The following GDAP1 variants were observed in gnomAD, a reference collection of about 807,000 sequenced individuals.
GDAP1 encodes the protein ganglioside induced differentiation associated protein 1.
In GDAP1, 34 loss-of-function variants were observed where a neutral mutation model predicts 40.1. The observed-to-expected ratio is 0.85, with a 90% CI of 0.64 to 1.13. The LOEUF (loss-of-function observed/expected upper bound fraction) is 1.13, where lower values mean the gene tolerates loss of function less well. GDAP1 is among the 50% of genes most tolerant of loss of function. The probability of loss-of-function intolerance (pLI) is 0.00; values close to 1 mark genes in which losing one functional copy is unlikely to be tolerated. For missense variants in GDAP1, 374 were observed against 433.7 expected (o/e 0.86, Z 1.22); for synonymous variants, 170 against 157.4 (o/e 1.08, Z -0.60).
chr8:74,407,649 C>T (rs1027093905), intron 2 of GDAP1, among the ~76,000 whole-genome samples: 16 of 149,860 alleles, frequency 1.1e-4, no homozygotes, highest in African/African-American at 4.1e-4. Context: ...ACTAAACTTC[C>T]ATTCATTCAT....
In GDAP1 at chr8:74,377,108, G is replaced by A. The variant is rs1161583343; in HGVS notation, c.165+25787G>A. Reference sequence around the variant, plus strand: ...AAAAACTAAAACTATAAAAGTTCTAGAAGAAAATAAAGAAAACATTTATTT... The same window carrying A: ...AAAAACTAAAACTATAAAAGTTCTAAAAGAAAATAAAGAAAACATTTATTT... On this transcript the variant is annotated intron_variant, in intron 2 of 2. Transcript: ENST00000523640. Among the ~76,000 whole-genome samples, 3 of 152,182 alleles carry A rather than the reference G, an allele frequency of 2.0e-5. No homozygotes were observed. The East Asian group carries it at 5.8e-4, about 29-fold the overall frequency.
intron 2 of GDAP1, among the ~76,000 whole-genome samples, chr8:74,470,745 T>A (rs1806541705): frequency 6.6e-6 from 1 of 152,208 alleles, no homozygotes; most frequent in African/African-American, 2.4e-5. Context: ...GCAGCATGAT[T>A]TATAATCCTT....
chr8:74,412,590 G>A (rs759798565), intron 2 of GDAP1, among the ~76,000 whole-genome samples: 34 of 149,894 alleles, frequency 2.3e-4, no homozygotes, highest in South Asian at 2.1e-4. Context: ...AATAATAGAC[G>A]CAAAGTATTA....
intron 2 of GDAP1, among the ~76,000 whole-genome samples, chr8:74,382,354 G>A (rs1809966876): frequency 2.7e-5 from 4 of 145,854 alleles, no homozygotes; most frequent in African/African-American, 5.0e-5. Flanking sequence ...GGAAATTATA[G>A]GAAGTTTCCT....
intron 2 of GDAP1, among the ~76,000 whole-genome samples, chr8:74,388,304 A>G (rs1810055421): frequency 2.0e-5 from 3 of 151,988 alleles, no homozygotes; most frequent in Admixed American, 2.0e-4. Flanking sequence ...CCACTATCTA[A>G]TGTGGGCGTT....
At chr8:74,362,833 C>G (rs1443892295) in intron 4 of GDAP1, 106 bp from the exon 5 acceptor site, 3 of 195,176 alleles carry the variant, frequency 1.5e-5, no homozygotes, top group Non-Finnish European at 2.0e-5. Context: ...TTCTCGTTGT[C>G]TAAAATAGGC....
At chr8:74,477,830 C>T (rs1376528833) in intron 2 of GDAP1, among the ~76,000 whole-genome samples, 4 of 152,064 alleles carry the variant, frequency 2.6e-5, no homozygotes, top group Non-Finnish European at 5.9e-5. Flanking sequence ...GGGCAAGGTG[C>T]TAGTATGTGC....
At chr8:74,435,700 T>C (rs1806080270) in intron 2 of GDAP1, among the ~76,000 whole-genome samples, 1 of 152,222 alleles carries the variant, frequency 6.6e-6, no homozygotes. Flanking sequence ...GTCAATGATT[T>C]CCATATTGAA....
intron 2 of GDAP1, among the ~76,000 whole-genome samples, chr8:74,470,040 T>A (rs1806528211): frequency 6.6e-6 from 1 of 152,148 alleles, no homozygotes; most frequent in Non-Finnish European, 1.5e-5. Context: ...CCTGGAGGTT[T>A]ATTTGGGAGT....
intron 2 of GDAP1, among the ~76,000 whole-genome samples, chr8:74,422,117 T>C (rs1304865024): frequency 6.6e-6 from 1 of 152,012 alleles, no homozygotes; most frequent in Non-Finnish European, 1.5e-5. Context: ...ATTAGCCTTT[T>C]CTTTCTTGCT....
chr8:74,421,724 G>A (rs1299935022), intron 2 of GDAP1, among the ~76,000 whole-genome samples: 1 of 152,138 alleles, frequency 6.6e-6, no homozygotes, highest in Admixed American at 6.5e-5. Context: ...CTCTCTGCTG[G>A]TACATTACAG....
intron 2 of GDAP1, among the ~76,000 whole-genome samples, chr8:74,359,173 C>G (rs980270008): frequency 6.6e-6 from 1 of 152,194 alleles, no homozygotes; most frequent in Non-Finnish European, 1.5e-5. Context: ...GACTTTAGTT[C>G]TAGCTCTGCC....
chr8:74,377,746 A>G (rs965232646), intron 2 of GDAP1, among the ~76,000 whole-genome samples: 12 of 152,248 alleles, frequency 7.9e-5, no homozygotes, highest in Admixed American at 7.2e-4. Flanking sequence ...CAGTTAATAT[A>G]TGACCTAACA....
chr8:74,360,467 G>T (rs925537369), intron 3 of GDAP1, among the ~76,000 whole-genome samples, 157 bp downstream of exon 3: 1 of 152,210 alleles, frequency 6.6e-6, no homozygotes, highest in East Asian at 1.9e-4. Flanking sequence ...CCATGAACCA[G>T]TCGGATTAAT....
chr8:74,366,464 G>C lies in GDAP1; in HGVS notation c.*2097G>C. The C allele has an allele frequency of 2.2e-6, 1 of 454,462 alleles. No homozygotes were observed. The allele number at this position is 454,462 out of a possible 1,614,324, so 28.2% of individuals were successfully genotyped here. On this transcript the variant is annotated 3_prime_UTR_variant, in exon 6 of 6. Transcript: ENST00000220822. ...AAATGTGAGTGATTTCCAGTGCTTT[G>C]AAAGGGATTACAGTATCACACAATG...
intron 5 of GDAP1, 128 bp downstream of exon 5, chr8:74,363,181 A>G (rs1809459059): frequency 4.7e-6 from 3 of 637,590 alleles, no homozygotes; most frequent in South Asian, 3.7e-5. Context: ...AGTTTTAATT[A>G]TGATAGCAAT....
chr8:74,415,295 T>G (rs911325614), intron 2 of GDAP1, among the ~76,000 whole-genome samples: 2 of 150,126 alleles, frequency 1.3e-5, no homozygotes, highest in Admixed American at 1.3e-4. Flanking sequence ...AAGCAGAAAT[T>G]TTAACATCAT....
intron 2 of GDAP1, among the ~76,000 whole-genome samples, chr8:74,396,160 A>G (rs190235066): frequency 2.5e-3 from 381 of 152,208 alleles, no homozygotes; most frequent in Non-Finnish European, 4.5e-3. Flanking sequence ...TTTTTTGGGA[A>G]CTGGAAACAC....
intron 2 of GDAP1, among the ~76,000 whole-genome samples, chr8:74,432,380 A>G (rs1471811405): frequency 6.6e-6 from 1 of 152,150 alleles, no homozygotes; most frequent in Non-Finnish European, 1.5e-5. Flanking sequence ...AACATACAAT[A>G]GTGCTGTTAC....
Sources: gnomAD v4.1 joint callset for allele counts (sites outside exome capture counted in the v4.1 genomes callset) on GRCh38, gnomAD v4.1.1 for gene constraint, MANE v1.5 for transcripts, NCBI Gene and HGNC (gene_info 2026-07-23, HGNC 2026-07-21) for gene names.